Variants in SGMS1 observed in about 807,000 individuals in gnomAD.
SGMS1 encodes phosphatidylcholine:ceramide cholinephosphotransferase 1.
SGMS1 carries 13 observed loss-of-function variants against 46.2 expected under a neutral mutation model. That is an observed-to-expected ratio of 0.28 (90% confidence interval 0.18 to 0.45). SGMS1 has a LOEUF of 0.45. Ranked by LOEUF, SGMS1 falls within the 20% of genes least tolerant of loss-of-function variation. The pLI is 1.00. For missense variants in SGMS1, 324 were observed against 519.9 expected (o/e 0.62, Z 3.66); for synonymous variants, 203 against 187.8 (o/e 1.08, Z -0.66).
chr10:50,394,151 A>G (rs990160144), intron 6 of SGMS1, among the ~76,000 whole-genome samples: 10 of 152,236 alleles, frequency 6.6e-5, no homozygotes, highest in Non-Finnish European at 1.0e-4. Flanking sequence ...GTCTGTTCCT[A>G]TCTTACAGAT....
At chr10:50,597,984 C>A (rs1838611339) in intron 1 of SGMS1, among the ~76,000 whole-genome samples, 2 of 150,854 alleles carry the variant, frequency 1.3e-5, no homozygotes, top group Admixed American at 1.3e-4. Context: ...TGCACTCCAG[C>A]CTGGGCAACA....
At chr10:50,361,068 C>T (rs1848240441) in intron 6 of SGMS1, among the ~76,000 whole-genome samples, 2 of 152,168 alleles carry the variant, frequency 1.3e-5, no homozygotes, top group South Asian at 2.1e-4. Context: ...CTGCATTCTT[C>T]TGGGGAGTAA....
Position 50,337,872 on chromosome 10 carries a change from C to CA in SGMS1, c.623+5619dup, listed in dbSNP as rs56330245. On this transcript the variant is annotated intron_variant, in intron 7 of 10. Coordinates refer to ENST00000361781, the MANE Select transcript of SGMS1 (RefSeq NM_147156.4). ...AAAAGGCTTATCAAAGGTTAAAATA[C>CA]AAAAAAAAAAAAAAAAAGTCTTTCC... Among the ~76,000 whole-genome samples the CA allele has an allele frequency of 7.2e-3, 743 of 102,752 alleles. 9 individuals are homozygous for CA. The highest frequency in any genetic ancestry group is 0.023 in the Middle Eastern group (5 of 214). The allele number at this position is 102,752 out of a possible 152,430, so 67.4% of individuals were successfully genotyped here. A position where few individuals can be genotyped will look rare whatever the true frequency, so the allele number is the denominator to read the frequency against.
intron 6 of SGMS1, among the ~76,000 whole-genome samples, chr10:50,373,728 GA>G (rs1328138623): frequency 3.9e-5 from 6 of 152,158 alleles, no homozygotes; most frequent in Non-Finnish European, 8.8e-5. Flanking sequence ...CACATTGGGA[GA>G]AAAAGATTCT....
At chr10:50,514,367 C>T (rs538167161) in intron 3 of SGMS1, among the ~76,000 whole-genome samples, 60 of 152,286 alleles carry the variant, frequency 3.9e-4, no homozygotes, top group African/African-American at 1.3e-3. Flanking sequence ...GTTCTTTTAA[C>T]TGATACCCAG....
intron 8 of SGMS1, among the ~76,000 whole-genome samples, chr10:50,318,468 A>G (rs1847384445): frequency 6.6e-6 from 1 of 152,244 alleles, no homozygotes; most frequent in East Asian, 1.9e-4. Flanking sequence ...AGCATTACTT[A>G]ACAATCCAAG....
At chr10:50,447,214 T>A (rs546410560) in intron 5 of SGMS1, among the ~76,000 whole-genome samples, 1 of 152,238 alleles carries the variant, frequency 6.6e-6, no homozygotes, top group African/African-American at 2.4e-5. Context: ...AAAACACAAA[T>A]CCAAATTTTC....
chr10:50,394,807 C>G (rs1203592810), intron 6 of SGMS1, among the ~76,000 whole-genome samples: 2 of 152,140 alleles, frequency 1.3e-5, no homozygotes, highest in Non-Finnish European at 2.9e-5. Flanking sequence ...TTTCATTCAA[C>G]AACAAATTGT....
chr10:50,454,230 T>G (rs1837161233), intron 5 of SGMS1, among the ~76,000 whole-genome samples: 1 of 152,068 alleles, frequency 6.6e-6, no homozygotes, highest in African/African-American at 2.4e-5. Flanking sequence ...GCCTCACATG[T>G]CGAGCTAAAG....
At chr10:50,382,558 A>AAC (rs1240446247) in intron 6 of SGMS1, among the ~76,000 whole-genome samples, 73 of 69,256 alleles carry the variant, frequency 1.1e-3, no homozygotes, top group African/African-American at 3.9e-3. Context: ...CACACACACA[A>AAC]ACACACACAT....
At chr10:50,618,059 T>C (rs549762046) in intron 1 of SGMS1, among the ~76,000 whole-genome samples, 36 of 152,170 alleles carry the variant, frequency 2.4e-4, no homozygotes, top group Admixed American at 9.2e-4. Flanking sequence ...AACTAATATG[T>C]GTCTGTGGGA....
chr10:50,354,918 A>G (rs9416516), intron 6 of SGMS1, among the ~76,000 whole-genome samples: 1 of 151,840 alleles, frequency 6.6e-6, no homozygotes. Context: ...GTTAGAATGG[A>G]GATCATTAAA....
chr10:50,562,827 A>G (rs1025235532), intron 2 of SGMS1, among the ~76,000 whole-genome samples: 1 of 152,120 alleles, frequency 6.6e-6, no homozygotes, highest in Non-Finnish European at 1.5e-5. Context: ...TACAAGCGTG[A>G]GCCACCGCGC....
intron 2 of SGMS1, among the ~76,000 whole-genome samples, chr10:50,578,501 G>T (rs1838404610): frequency 6.6e-6 from 1 of 151,932 alleles, no homozygotes; most frequent in Non-Finnish European, 1.5e-5. Context: ...AAATTTATTG[G>T]TATTTTAACA....
chr10:50,561,324 C>A lies in SGMS1; in HGVS notation c.-589+28829G>T, dbSNP rs184810308. On this transcript the variant is annotated intron_variant, in intron 2 of 10. Transcript: ENST00000361781. ...TATCACCACCCTCATTTGACAACTGCGGAAACTGAGGCACTGAGTAATACA... is the reference window on the plus strand; with the variant it reads ...TATCACCACCCTCATTTGACAACTGAGGAAACTGAGGCACTGAGTAATACA... Among the ~76,000 whole-genome samples, 7 of 152,254 alleles carry A rather than the reference C, an allele frequency of 4.6e-5. No homozygotes were observed. In the East Asian group the frequency reaches 1.4e-3, roughly 29 times the overall value.
chr10:50,350,538 A>G (rs954385753), intron 6 of SGMS1, among the ~76,000 whole-genome samples: 3 of 152,258 alleles, frequency 2.0e-5, no homozygotes, highest in East Asian at 3.9e-4. Flanking sequence ...CAGGCCCAGG[A>G]GGAAAACGTT....
intron 6 of SGMS1, among the ~76,000 whole-genome samples, chr10:50,420,442 T>G (rs1849240615): frequency 6.6e-6 from 1 of 152,102 alleles, no homozygotes. Context: ...TCTCAACACA[T>G]CATCATCATC....
chr10:50,565,529 G>A (rs147704490), intron 2 of SGMS1, among the ~76,000 whole-genome samples: 107 of 152,286 alleles, frequency 7.0e-4, no homozygotes, highest in African/African-American at 2.5e-3. Flanking sequence ...TAAGGGCATG[G>A]GTTTGGAAGT....
chr10:50,543,409 A>G (rs1180329185), intron 2 of SGMS1, among the ~76,000 whole-genome samples: 1 of 152,262 alleles, frequency 6.6e-6, no homozygotes, highest in African/African-American at 2.4e-5. Flanking sequence ...CATAGTTAAC[A>G]TTACATATAT....
Sources: gnomAD v4.1 joint callset for allele counts (sites outside exome capture counted in the v4.1 genomes callset) on GRCh38, gnomAD v4.1.1 for gene constraint, MANE v1.5 for transcripts, NCBI Gene and HGNC (gene_info 2026-07-23, HGNC 2026-07-21) for gene names.